The following PLA2G4C variants were observed in gnomAD, a reference collection of about 807,000 sequenced individuals.
PLA2G4C encodes the protein phospholipase A2 group IVC, also known as cytosolic phospholipase A2 gamma.
A neutral mutation model predicts 73.8 loss-of-function variants in PLA2G4C; 64 were observed. The ratio of observed to expected loss-of-function variants is 0.87; its 90% confidence interval spans 0.71 to 1.07. The LOEUF (loss-of-function observed/expected upper bound fraction) is 1.07, where lower values mean the gene tolerates loss of function less well. Ranked by LOEUF, PLA2G4C falls within the 50% of genes least tolerant of loss-of-function variation. The pLI, the probability that PLA2G4C is intolerant of heterozygous loss-of-function variation, is 0.00. For missense variants in PLA2G4C, 622 were observed against 665.4 expected, an observed-to-expected ratio of 0.93 and a Z score of 0.72; for synonymous variants, 254 against 252.1, an observed-to-expected ratio of 1.01 and a Z score of -0.07.
At chr19:48,051,398 A>G (rs1967719736) in intron 16 of PLA2G4C, among the ~76,000 whole-genome samples, 1 of 152,362 alleles carries the variant, frequency 6.6e-6, no homozygotes, top group East Asian at 1.9e-4. Context: ...TCACAGTTCC[A>G]TGTGGCTGGG....
At chr19:48,105,562 G>A in intron 2 of PLA2G4C, 118 bp from the exon 3 acceptor site, 1 of 709,390 alleles carries the variant, frequency 1.4e-6, no homozygotes, top group Middle Eastern at 2.5e-4. Context: ...CGGGTACATG[G>A]TTTCCTTTTG....
intron 16 of PLA2G4C, among the ~76,000 whole-genome samples, chr19:48,051,636 C>G (rs1381887309): frequency 6.6e-6 from 1 of 151,996 alleles, no homozygotes; most frequent in Admixed American, 6.6e-5. Context: ...CTCCCTCACT[C>G]TCACGAGAAC....
rs2030819530 is a variant in PLA2G4C at position 48,084,040 on chromosome 19, T to TGTG, written c.844+1018_844+1019insCAC. ...GATGAACAGGTAACGAATGCCAATT[T>TGTG]TGTGTGTGTGTGTGTGTGTGTGTGT... On this transcript the variant is annotated intron_variant, in intron 10 of 16. Coordinates refer to ENST00000599921, the MANE Select transcript of PLA2G4C (RefSeq NM_003706.3). 2.2e-5 allele frequency among the ~76,000 whole-genome samples: 3 copies of TGTG among 139,130 alleles called. No individual in the cohort carries two copies. The Admixed American group carries it at 2.2e-4, about 10-fold the overall frequency. 91.3% of individuals were successfully genotyped at this position (139,130 alleles called of 152,430 possible).
chr19:48,061,942 G>T, intron 14 of PLA2G4C, 56 bp downstream of exon 14: 1 of 1,577,952 alleles, frequency 6.3e-7, no homozygotes, highest in Non-Finnish European at 8.7e-7. Flanking sequence ...CGCAAAGTCA[G>T]CTTCGCCGCA....
At chr19:48,076,644 G>C (rs1354213086) in intron 11 of PLA2G4C, among the ~76,000 whole-genome samples, 1 of 152,026 alleles carries the variant, frequency 6.6e-6, no homozygotes, top group Non-Finnish European at 1.5e-5. Flanking sequence ...TCAGGAGTCT[G>C]GGGCAGGAGA....
intron 9 of PLA2G4C, among the ~76,000 whole-genome samples, chr19:48,088,471 T>C (rs440472): frequency 0.093 from 14,136 of 152,040 alleles, 1,393 homozygotes; most frequent in African/African-American, 0.25. Flanking sequence ...ACTTTGGTAA[T>C]ATGACAAAAC....
intron 7 of PLA2G4C, among the ~76,000 whole-genome samples, chr19:48,093,584 C>T (rs919605702): frequency 2.6e-5 from 4 of 152,196 alleles, no homozygotes; most frequent in Non-Finnish European, 4.4e-5. Flanking sequence ...CATCTGTGTC[C>T]TTCAGGGTCC....
chr19:48,083,396 T>TC (rs2030751477), intron 10 of PLA2G4C, among the ~76,000 whole-genome samples: 1 of 137,840 alleles, frequency 7.3e-6, no homozygotes, highest in Admixed American at 7.1e-5. Context: ...TCTTTTCTTT[T>TC]TTTTTTTTTT....
intron 6 of PLA2G4C, among the ~76,000 whole-genome samples, chr19:48,096,245 C>T (rs1245505349): frequency 6.6e-6 from 1 of 151,732 alleles, no homozygotes; most frequent in Non-Finnish European, 1.5e-5. Context: ...GCTGTATCTG[C>T]TCTGGTGAGA....
rs918754359 is a variant in PLA2G4C, at chr19:48,090,395, A to G, written c.732T>C (p.Gly244=). ...TGTATTCCCTAATGACTTCAGTGTT[A>G]CCAAGAGCACTTCCCCATAAACCTG... The part of the protein sequence containing the change: ...FLRGLWGSAL[G]NTEVIREYIF... The change falls in exon 8 of 17, where the codon GGT becomes GGC. Residue 244 remains glycine, a synonymous_variant. Transcript: ENST00000599921. The G allele has an allele frequency of 6.2e-7, 1 of 1,612,718 alleles. No individual in the cohort carries two copies. Among genetic ancestry groups the G allele is most frequent in the African/African-American group, 1.3e-5 (1 of 75,032 alleles).
At chr19:48,077,846 G>C in intron 10 of PLA2G4C, 22 bp from the exon 11 acceptor site, 1 of 1,597,348 alleles carries the variant, frequency 6.3e-7, no homozygotes, top group Non-Finnish European at 8.5e-7. Flanking sequence ...CAGAGGCAGG[G>C]GGAATGTTTA....
At chr19:48,048,641 G>A (rs1052673071) in intron 16 of PLA2G4C, among the ~76,000 whole-genome samples, 2 of 152,224 alleles carry the variant, frequency 1.3e-5, no homozygotes, top group African/African-American at 4.8e-5. Flanking sequence ...CAGGAGCTGG[G>A]CTAGGAGGTA....
Position 48,084,029 on chromosome 19 carries a change from G to A in PLA2G4C, c.844+1030C>T, listed in dbSNP as rs577828340. On this transcript the variant is annotated intron_variant, in intron 10 of 16. Coordinates refer to ENST00000599921, the MANE Select transcript of PLA2G4C (RefSeq NM_003706.3). ...AAGGGTTAAATGATGAACAGGTAAC[G>A]AATGCCAATTTTGTGTGTGTGTGTG... Among the ~76,000 whole-genome samples, 14 of 123,012 alleles carry A rather than the reference G, an allele frequency of 1.1e-4. No individual in the cohort carries two copies. The South Asian group carries it at 3.1e-3, about 27-fold the overall frequency. The allele number at this position is 123,012 out of a possible 152,430, so 80.7% of individuals were successfully genotyped here.
intron 1 of PLA2G4C, chr19:48,108,788 G>A (rs753387146): frequency 1.3e-5 from 2 of 152,214 alleles, no homozygotes; most frequent in Non-Finnish European, 2.9e-5. Flanking sequence ...AGTCACCTGG[G>A]CATGATGGCG....
intron 12 of PLA2G4C, 22 bp downstream of exon 12, chr19:48,074,745 C>T: frequency 1.3e-6 from 2 of 1,534,640 alleles, no homozygotes; most frequent in Non-Finnish European, 1.8e-6. Flanking sequence ...GTTGATGACA[C>T]TTATCACACT....
intron 8 of PLA2G4C, among the ~76,000 whole-genome samples, chr19:48,089,578 G>T (rs1293402570): frequency 6.6e-6 from 1 of 152,172 alleles, no homozygotes; most frequent in Non-Finnish European, 1.5e-5. Context: ...ACACTCCCAT[G>T]TGTCAGGCTT....
chr19:48,074,802 T>C lies in PLA2G4C; in HGVS notation c.971A>G (p.Lys324Arg), dbSNP rs746680002. 4 of 1,613,416 alleles carry C rather than the reference T, an allele frequency of 2.5e-6. No individual in the cohort carries two copies. Among genetic ancestry groups the C allele is most frequent in the Non-Finnish European group, 3.4e-6 (4 of 1,179,522 alleles). The change falls in exon 12 of 17, where the codon AAG (lysine) becomes AGG (arginine). Residue 324 changes from lysine (K) to arginine (R), a missense_variant. Physicochemically the swap from Lys to Arg is conservative, Grantham distance 26. Transcript: ENST00000599921. ...LENWTRTSLE[K>R]QEQPHEDPER... The stretch of plus-strand genomic sequence containing the variant: ...GGGGTCCTCATGGGGCTGCTCCTGC[T>C]TTTCCAGGGAGGTCCTGGTCCAATT...
At chr19:48,063,243 C>A (rs1373650332) in intron 13 of PLA2G4C, among the ~76,000 whole-genome samples, 1 of 151,994 alleles carries the variant, frequency 6.6e-6, no homozygotes, top group Admixed American at 6.6e-5. Flanking sequence ...AAGGTTTCCC[C>A]ATCTTGGCAA....
chr19:48,078,939 G>A (rs1435696876), intron 10 of PLA2G4C, among the ~76,000 whole-genome samples: 2 of 147,852 alleles, frequency 1.4e-5, no homozygotes, highest in Non-Finnish European at 1.5e-5. Context: ...GCCAATTTTG[G>A]CTCACTGCAA....
Sources: allele counts gnomAD v4.1 joint callset (sites outside exome capture counted in the v4.1 genomes callset), GRCh38; gene constraint gnomAD v4.1.1; transcripts MANE v1.5; gene names NCBI Gene and HGNC (gene_info 2026-07-23, HGNC 2026-07-21).